AGBL1: variants seen among roughly 807,000 people sequenced by gnomAD.
AGBL1 encodes the protein cytosolic carboxypeptidase 4.
A neutral mutation model predicts 118.9 loss-of-function variants in AGBL1; 130 were observed. The ratio of observed to expected loss-of-function variants is 1.09; its 90% CI spans 0.95 to 1.26. The LOEUF is 1.26. AGBL1 is among the 50% of genes most tolerant of loss of function. The probability of loss-of-function intolerance (pLI) is 0.00; values close to 1 mark genes in which losing one functional copy is unlikely to be tolerated. For synonymous variants in AGBL1, 555 were observed against 478.9 expected (o/e 1.16, Z -2.08); for missense variants, 1,584 against 1,298.1 (o/e 1.22, Z -3.38).
rs557429793 is a variant in AGBL1, at chr15:86,508,955, GAAAC to G, written c.2556-13848_2556-13845del. On this transcript the variant is annotated intron_variant, in intron 18 of 22. Coordinates refer to ENST00000614907, the MANE Select transcript of AGBL1 (RefSeq NM_001386094.1). ...AGTGTGTTATGACACTTAAGCCTAA[GAAAC>G]AAACAATCAAAAATCCTGTGAGTTA... Among the ~76,000 whole-genome samples the G allele has an allele frequency of 5.3e-3, 804 of 152,228 alleles. 5 individuals are homozygous for G. The highest frequency in any genetic ancestry group is 0.018 in the African/African-American group (766 of 41,558).
chr15:86,312,651 T>C (rs560947369), intron 17 of AGBL1, among the ~76,000 whole-genome samples: 3 of 152,206 alleles, frequency 2.0e-5, no homozygotes, highest in Non-Finnish European at 4.4e-5. Context: ...CTGTGGCTCA[T>C]TGAGCAACGA....
intron 18 of AGBL1, among the ~76,000 whole-genome samples, chr15:86,411,952 T>C (rs950568892): frequency 2.0e-5 from 3 of 152,184 alleles, no homozygotes; most frequent in Non-Finnish European, 2.9e-5. Context: ...AATTAGGGAT[T>C]GGTTGTTATT....
intron 22 of AGBL1, among the ~76,000 whole-genome samples, chr15:86,843,132 G>A (rs1433867867): frequency 6.6e-6 from 1 of 152,052 alleles, no homozygotes; most frequent in African/African-American, 2.4e-5. Context: ...ATCCTTAATG[G>A]GCAACAACAG....
intron 5 of AGBL1, among the ~76,000 whole-genome samples, chr15:86,212,279 A>G (rs943446005): frequency 2.0e-5 from 3 of 152,252 alleles, no homozygotes; most frequent in Admixed American, 6.5e-5. Flanking sequence ...ATACATAAAT[A>G]CGCAATTTCC....
chr15:86,866,192 T>C (rs2079626323), intron 22 of AGBL1, among the ~76,000 whole-genome samples: 1 of 151,666 alleles, frequency 6.6e-6, no homozygotes, highest in African/African-American at 2.4e-5. Flanking sequence ...TGACTCAAAA[T>C]AAACATTCCA....
chr15:86,546,324 T>C lies in AGBL1; in HGVS notation c.2817+191T>C, dbSNP rs145377783. On this transcript the variant is annotated intron_variant, in intron 20 of 22. Transcript: ENST00000614907. ...GTAACCTCTCCTAATTTTTGTTGAA[T>C]AATGACTTACTGACTTGTTGCTTTG... is the stretch of plus-strand genomic sequence containing the variant. 6.4e-3 allele frequency among the ~76,000 whole-genome samples: 967 copies of C among 152,114 alleles called. 33 individuals are homozygous for C. Among genetic ancestry groups the C allele is most frequent in the Admixed American group, 0.056 (853 of 15,256 alleles).
intron 1 of AGBL1, among the ~76,000 whole-genome samples, chr15:86,127,047 G>A (rs1451019549): frequency 1.3e-5 from 2 of 152,142 alleles, no homozygotes; most frequent in African/African-American, 2.4e-5. Flanking sequence ...ATACAGACAG[G>A]ATGGGTAATC....
At chr15:86,816,683 A>G (rs1022980998) in intron 22 of AGBL1, among the ~76,000 whole-genome samples, 1 of 152,172 alleles carries the variant, frequency 6.6e-6, no homozygotes, top group Non-Finnish European at 1.5e-5. Context: ...AAAAACACAA[A>G]AACAAAAATC....
chr15:86,822,954 G>A (rs114936431), intron 22 of AGBL1, among the ~76,000 whole-genome samples: 59 of 152,216 alleles, frequency 3.9e-4, no homozygotes, highest in African/African-American at 1.4e-3. Flanking sequence ...AATCTTAGAG[G>A]CGTTCCTAAT....
rs111272419 is a variant in AGBL1, at chr15:86,911,165, T to G, written c.*3871T>G. The stretch of plus-strand genomic sequence containing the variant: ...GAGAGGAGAGTCCAGAGAGGCGATG[T>G]TGGGGCAGGCCAAGTGCATGCTGTC... On this transcript the variant is annotated 3_prime_UTR_variant, in exon 23 of 23. Coordinates refer to ENST00000614907, the MANE Select transcript of AGBL1 (RefSeq NM_001386094.1). The G allele has an allele frequency of 6.6e-6, 1 of 152,282 alleles. No homozygotes were observed. The highest frequency in any genetic ancestry group is 1.9e-4 in the East Asian group (1 of 5,184). The allele number at this position is 152,282 out of a possible 1,614,324, so 9.4% of individuals were successfully genotyped here.
intron 21 of AGBL1, among the ~76,000 whole-genome samples, chr15:86,601,269 T>C (rs1292132592): frequency 1.3e-5 from 2 of 152,286 alleles, no homozygotes; most frequent in South Asian, 2.1e-4. Flanking sequence ...TAGCACTCAG[T>C]TAAGGGTTAT....
Position 86,427,478 on chromosome 15 carries a change from A to T in AGBL1, c.2555+29932A>T, listed in dbSNP as rs191096567. On this transcript the variant is annotated intron_variant, in intron 18 of 22. Coordinates refer to ENST00000614907, the MANE Select transcript of AGBL1 (RefSeq NM_001386094.1). ...CATTCAGTGTCTTTTATGCTATTTT[A>T]TTTTTTTTTCAGTCTGTTTGAAGCA... is the stretch of plus-strand genomic sequence containing the variant. 1.6e-3 allele frequency among the ~76,000 whole-genome samples: 232 copies of T among 147,338 alleles called. 1 individual carries two copies. The highest frequency in any genetic ancestry group is 5.7e-3 in the African/African-American group (226 of 39,994).
At chr15:86,980,702 G>C (rs2081223344) in intron 23 of AGBL1, among the ~76,000 whole-genome samples, 1 of 151,940 alleles carries the variant, frequency 6.6e-6, no homozygotes, top group African/African-American at 2.4e-5. Context: ...ATACTAAATA[G>C]AGTCTTGCAT....
At chr15:86,723,413 C>A (rs1196186836) in intron 22 of AGBL1, among the ~76,000 whole-genome samples, 2 of 152,106 alleles carry the variant, frequency 1.3e-5, no homozygotes, top group Non-Finnish European at 2.9e-5. Flanking sequence ...GGACAAAAAA[C>A]CAAACACCAC....
At chr15:86,734,577 T>C (rs2077567459) in intron 22 of AGBL1, among the ~76,000 whole-genome samples, 1 of 152,188 alleles carries the variant, frequency 6.6e-6, no homozygotes, top group South Asian at 2.1e-4. Context: ...ACATCCTTCA[T>C]GCTGGTTCTC....
At chr15:86,413,530 A>T (rs2081649913) in intron 18 of AGBL1, among the ~76,000 whole-genome samples, 1 of 152,048 alleles carries the variant, frequency 6.6e-6, no homozygotes, top group Non-Finnish European at 1.5e-5. Context: ...CCTCACCAAC[A>T]TCTGTTATTT....
chr15:86,735,996 G>T (rs2077591922), intron 22 of AGBL1, among the ~76,000 whole-genome samples: 1 of 152,070 alleles, frequency 6.6e-6, no homozygotes, highest in African/African-American at 2.4e-5. Flanking sequence ...TGCTTGGTGT[G>T]GTGCTTGACA....
intron 1 of AGBL1, 117 bp from the exon 2 acceptor site, chr15:86,141,887 T>A: frequency 9.7e-7 from 1 of 1,032,668 alleles, no homozygotes; most frequent in Non-Finnish European, 1.4e-6. Context: ...GTCCTTTCGC[T>A]GTAGTTAATC....
chr15:86,375,107 C>T (rs551026558), intron 17 of AGBL1, among the ~76,000 whole-genome samples: 93 of 152,216 alleles, frequency 6.1e-4, no homozygotes, highest in Non-Finnish European at 1.1e-3. Context: ...AGACCCAAGG[C>T]AGCCTATCTG....
Sources: allele counts gnomAD v4.1 joint callset (sites outside exome capture counted in the v4.1 genomes callset), GRCh38; gene constraint gnomAD v4.1.1; transcripts MANE v1.5; gene names NCBI Gene and HGNC (gene_info 2026-07-23, HGNC 2026-07-21).